SAMSN1: variants seen among roughly 807,000 people sequenced by gnomAD.
SAMSN1 encodes the protein SAM domain, SH3 domain and nuclear localization signals 1.
Under a neutral mutation model 42.0 loss-of-function variants are expected in SAMSN1, and 31 were observed. The ratio of observed to expected loss-of-function variants is 0.74; its 90% CI spans 0.55 to 1.00. SAMSN1 has a LOEUF of 1.00. Ranked by LOEUF, SAMSN1 falls within the 50% of genes least tolerant of loss-of-function variation. The probability of loss-of-function intolerance (pLI) is 0.00; values close to 1 mark genes in which losing one functional copy is unlikely to be tolerated. For synonymous variants in SAMSN1, 178 were observed against 151.9 expected, an observed-to-expected ratio of 1.17 and a Z score of -1.26; for missense variants, 464 against 439.4, an observed-to-expected ratio of 1.06 and a Z score of -0.50.
At chr21:14,619,763 C>A in intron 2 of SAMSN1, 2 of 186,162 alleles carry the variant, frequency 1.1e-5, no homozygotes, top group Non-Finnish European at 1.3e-5. Context: ...AAATGAAGTC[C>A]CTAAAACTCA....
intron 7 of SAMSN1, among the ~76,000 whole-genome samples, chr21:14,591,684 G>C (rs1433304142): frequency 6.6e-6 from 1 of 152,130 alleles, no homozygotes; most frequent in Non-Finnish European, 1.5e-5. Flanking sequence ...TTGGCTAGAG[G>C]ATTAGCAGGT....
intron 2 of SAMSN1, among the ~76,000 whole-genome samples, chr21:14,564,333 T>G (rs1466167569): frequency 6.6e-6 from 1 of 152,172 alleles, no homozygotes; most frequent in Non-Finnish European, 1.5e-5. Context: ...GAAGGGAGAT[T>G]TCTTGGAAGA....
rs140355116 is a variant in SAMSN1 at position 14,503,255 on chromosome 21, T to C, written c.562-2520A>G. On this transcript the variant is annotated intron_variant, in intron 5 of 7. Transcript: ENST00000400566. ...TCCCTTAAAAAAAAAGATTAAGGCC[T>C]GAGTGAGCTTTTTCCTGTTCATCCT... Among the ~76,000 whole-genome samples the C allele has an allele frequency of 2.5e-3, 383 of 152,222 alleles. 4 individuals carry two copies. The highest frequency in any genetic ancestry group is 9.0e-3 in the African/African-American group (376 of 41,554).
chr21:14,585,354 T>C (rs749199659), upstream of SAMSN1: 3 of 152,222 alleles, frequency 2.0e-5, no homozygotes, highest in Non-Finnish European at 2.9e-5. Flanking sequence ...GGCAACTTCT[T>C]GTTACAGCCA....
intron 2 of SAMSN1, among the ~76,000 whole-genome samples, chr21:14,570,641 A>G (rs952203605): frequency 3.3e-5 from 5 of 152,230 alleles, no homozygotes; most frequent in African/African-American, 9.6e-5. Context: ...GGAGAAATGT[A>G]TATGTTGGAG....
At chr21:14,656,366 A>C (rs188538198) in intron 1 of SAMSN1, among the ~76,000 whole-genome samples, 1 of 151,942 alleles carries the variant, frequency 6.6e-6, no homozygotes. Flanking sequence ...ATAGAAATGA[A>C]CCAATGGGAA....
At chr21:14,549,800 C>G (rs1253993035), upstream of SAMSN1, among the ~76,000 whole-genome samples, 1 of 152,072 alleles carries the variant, frequency 6.6e-6, no homozygotes, top group East Asian at 1.9e-4. Flanking sequence ...TTCCTCTCTT[C>G]TTTTTGGCCC....
intron 1 of SAMSN1, among the ~76,000 whole-genome samples, chr21:14,536,260 G>T (rs1330474173): frequency 6.6e-6 from 1 of 152,144 alleles, no homozygotes; most frequent in East Asian, 1.9e-4. Flanking sequence ...AGTTTTCAGG[G>T]ATTTTGAAAC....
intron 6 of SAMSN1, among the ~76,000 whole-genome samples, chr21:14,596,326 C>A (rs1027444855): frequency 6.6e-6 from 1 of 152,050 alleles, no homozygotes; most frequent in Non-Finnish European, 1.5e-5. Flanking sequence ...GCCCTATATT[C>A]TTTCTACCTG....
chr21:14,521,342 G>T (rs1224126493), intron 1 of SAMSN1, 121 bp from the exon 2 acceptor site: 2 of 616,156 alleles, frequency 3.2e-6, no homozygotes, highest in Admixed American at 3.2e-5. Flanking sequence ...GCTTTAAAAA[G>T]CTCTTCTCTC....
At chr21:14,534,444 AAACAAC>A (rs969343441) in intron 1 of SAMSN1, among the ~76,000 whole-genome samples, 3 of 152,058 alleles carry the variant, frequency 2.0e-5, no homozygotes, top group Admixed American at 6.6e-5. Flanking sequence ...CTGTGAGTTT[AAACAAC>A]AACAACAACA....
At chr21:14,638,691 G>A (rs541746153) in intron 2 of SAMSN1, among the ~76,000 whole-genome samples, 7 of 152,274 alleles carry the variant, frequency 4.6e-5, no homozygotes, top group Admixed American at 3.9e-4. Context: ...GCTAAATCCT[G>A]CCTGCTTCTA....
At chr21:14,600,014 C>T (rs967977722) in intron 6 of SAMSN1, among the ~76,000 whole-genome samples, 2 of 152,112 alleles carry the variant, frequency 1.3e-5, no homozygotes, top group African/African-American at 2.4e-5. Context: ...CCAGTCATGA[C>T]GATCCAGGTG....
chr21:14,624,466 A>C (rs1983107726), intron 2 of SAMSN1, among the ~76,000 whole-genome samples: 1 of 152,246 alleles, frequency 6.6e-6, no homozygotes, highest in Admixed American at 6.5e-5. Context: ...TCCCACAGTA[A>C]TACAAACTAC....
At chr21:14,488,563 C>G (rs1986541851) in intron 7 of SAMSN1, among the ~76,000 whole-genome samples, 1 of 152,082 alleles carries the variant, frequency 6.6e-6, no homozygotes, top group Non-Finnish European at 1.5e-5. Flanking sequence ...TAAAAACTGT[C>G]TTTACTAGAG....
At chr21:14,561,717 A>G (rs1341851352) in intron 2 of SAMSN1, among the ~76,000 whole-genome samples, 1 of 152,256 alleles carries the variant, frequency 6.6e-6, no homozygotes, top group Non-Finnish European at 1.5e-5. Context: ...AGATGAGGTC[A>G]TATGAAGCAG....
At chr21:14,541,516 T>G (rs201438808) in intron 1 of SAMSN1, among the ~76,000 whole-genome samples, 7 of 84,416 alleles carry the variant, frequency 8.3e-5, no homozygotes, top group African/African-American at 2.3e-4. Context: ...TTTTTTGTGG[T>G]TTTTTTTGTT....
At chr21:14,523,806 C>T (rs537893974) in intron 1 of SAMSN1, among the ~76,000 whole-genome samples, 15 of 152,276 alleles carry the variant, frequency 9.9e-5, no homozygotes, top group East Asian at 7.7e-4. Flanking sequence ...GCTACACTAT[C>T]TTCTTCCATT....
chr21:14,500,862 C>A, intron 5 of SAMSN1, 127 bp from the exon 6 acceptor site: 1 of 755,966 alleles, frequency 1.3e-6, no homozygotes, highest in East Asian at 2.5e-5. Context: ...AGAAACAAAT[C>A]TAAACATTCA....
Sources: gnomAD v4.1 joint callset for allele counts (sites outside exome capture counted in the v4.1 genomes callset) on GRCh38, gnomAD v4.1.1 for gene constraint, MANE v1.5 for transcripts, NCBI Gene and HGNC (gene_info 2026-07-23, HGNC 2026-07-21) for gene names.